PLEKHA6: variants seen among roughly 807,000 people sequenced by gnomAD.
PLEKHA6 encodes the protein pleckstrin homology domain-containing family A member 6.
Under a neutral mutation model 116.7 loss-of-function variants are expected in PLEKHA6, and 60 were observed. The observed-to-expected ratio is 0.51, with a 90% CI of 0.42 to 0.64. The LOEUF (loss-of-function observed/expected upper bound fraction) is 0.64, where lower values mean the gene tolerates loss of function less well. Ranked by LOEUF, PLEKHA6 falls within the 30% of genes least tolerant of loss-of-function variation. The pLI is 0.00. For synonymous variants in PLEKHA6, 489 were observed against 556.1 expected, an observed-to-expected ratio of 0.88 and a Z score of 1.70; for missense variants, 1,338 against 1,422.7, an observed-to-expected ratio of 0.94 and a Z score of 0.96.
chr1:204,263,498 C>T (rs888234092), intron 6 of PLEKHA6, among the ~76,000 whole-genome samples: 1 of 152,090 alleles, frequency 6.6e-6, no homozygotes, highest in Non-Finnish European at 1.5e-5. Flanking sequence ...CAATCAGAAC[C>T]CTTTGTGGGC....
intron 1 of PLEKHA6, among the ~76,000 whole-genome samples, chr1:204,300,055 T>C (rs1216636813): frequency 6.6e-6 from 1 of 152,162 alleles, no homozygotes; most frequent in Non-Finnish European, 1.5e-5. Context: ...ACTTAGAAGA[T>C]AGAAGAGGGA....
intron 5 of PLEKHA6, among the ~76,000 whole-genome samples, chr1:204,266,706 C>T (rs992106571): frequency 2.0e-5 from 3 of 152,314 alleles, no homozygotes; most frequent in Non-Finnish European, 2.9e-5. Flanking sequence ...ATTGCTCCCA[C>T]GAGGACTGGA....
intron 2 of PLEKHA6, chr1:204,368,439 A>C (rs921743400): frequency 6.6e-6 from 1 of 152,142 alleles, no homozygotes; most frequent in South Asian, 2.1e-4. Context: ...GCAATTTTTA[A>C]AATCTTTAAT....
intron 1 of PLEKHA6, among the ~76,000 whole-genome samples, chr1:204,333,737 T>C (rs765043820): frequency 1.1e-4 from 17 of 152,182 alleles, no homozygotes; most frequent in Non-Finnish European, 1.9e-4. Flanking sequence ...GCCCAGGTCC[T>C]GCTCTCTGGG....
intron 2 of PLEKHA6, chr1:204,368,805 T>C (rs1558204873): frequency 1.3e-5 from 2 of 152,256 alleles, no homozygotes; most frequent in African/African-American, 2.4e-5. Flanking sequence ...GGCTGACATA[T>C]TGGAAAACAG....
rs192094845 is a variant in PLEKHA6, at chr1:204,315,520, T to C, written c.-94-40711A>G. Among the ~76,000 whole-genome samples, 454 of 152,182 alleles carry C rather than the reference T, an allele frequency of 3.0e-3. 4 individuals are homozygous for C. The Middle Eastern group carries it at 0.031, about 10-fold the overall frequency. ...TCCAAATCTCCCAGGGGAAGGCAGG[T>C]GGACACCGTGTTAGGGCTGAGCTCA... On this transcript the variant is annotated intron_variant, in intron 1 of 22. Coordinates refer to ENST00000272203, the MANE Select transcript of PLEKHA6 (RefSeq NM_014935.5).
intron 1 of PLEKHA6, among the ~76,000 whole-genome samples, chr1:204,312,841 A>ATTTTCTTTTCTTTTC (rs138741377): frequency 0.032 from 4,433 of 140,528 alleles, 205 homozygotes; most frequent in East Asian, 0.15. Flanking sequence ...CCCTTAGCCC[A>ATTTTCTTTTCTTTTC]TTTTCTTTTC....
chr1:204,305,800 A>G (rs993851993), intron 1 of PLEKHA6, among the ~76,000 whole-genome samples: 2 of 51,706 alleles, frequency 3.9e-5, no homozygotes, highest in Non-Finnish European at 9.9e-5. Flanking sequence ...AGACTGTACA[A>G]CCTATTAATT....
intron 1 of PLEKHA6, among the ~76,000 whole-genome samples, chr1:204,348,714 A>ACCCCCCCCCCCCCCTCC (rs3038282): frequency 7.3e-6 from 1 of 136,642 alleles, no homozygotes; most frequent in African/African-American, 2.9e-5. Context: ...CAGGTGCCAA[A>ACCCCCCCCCCCCCCTCC]CCCCCCCCCC....
chr1:204,325,937 A>G (rs988654550), intron 1 of PLEKHA6: 4 of 984,244 alleles, frequency 4.1e-6, no homozygotes, highest in Non-Finnish European at 3.6e-6. Flanking sequence ...CCATTAACAT[A>G]TAGACTGGGC....
At position 204,277,286 on chromosome 1, in the gene PLEKHA6, C is replaced by T. The variant is rs910563681; in HGVS notation, c.-94-2477G>A. Among the ~76,000 whole-genome samples, 22 of 152,054 alleles carry T rather than the reference C, an allele frequency of 1.4e-4. No homozygotes were observed. Among genetic ancestry groups the T allele is most frequent in the Admixed American group, 1.2e-3 (19 of 15,256 alleles). On this transcript the variant is annotated intron_variant, in intron 1 of 22. Transcript: ENST00000272203. This position sits in a 1 kb window ranked among gnomAD's most constrained non-coding sequence, Gnocchi z 4.1. ...AGGCCTGTGGCTTCCTGGTATTCGG[C>T]CAGAATGCTACTGGTCAGAGGACTG...
At chr1:204,357,576 G>A (rs1004891074) in intron 1 of PLEKHA6, among the ~76,000 whole-genome samples, 3 of 152,248 alleles carry the variant, frequency 2.0e-5, no homozygotes, top group Admixed American at 2.0e-4. Flanking sequence ...AGAGCTCAGG[G>A]GAGTGCGAAT....
chr1:204,331,973 G>A (rs1672470397), intron 1 of PLEKHA6, among the ~76,000 whole-genome samples: 4 of 152,024 alleles, frequency 2.6e-5, no homozygotes, highest in African/African-American at 2.4e-5. Flanking sequence ...TGCAGGAGCC[G>A]GGGTGCAAAC....
chr1:204,246,265 T>C (rs1389613664), intron 13 of PLEKHA6, among the ~76,000 whole-genome samples: 3 of 152,176 alleles, frequency 2.0e-5, no homozygotes, highest in Non-Finnish European at 4.4e-5. Context: ...TGCTAACTCA[T>C]TTCGGCTGCA....
chr1:204,283,086 T>G (rs1209123592), intron 1 of PLEKHA6, among the ~76,000 whole-genome samples: 3 of 152,222 alleles, frequency 2.0e-5, no homozygotes, highest in Non-Finnish European at 2.9e-5. Context: ...GCAGCCCAGC[T>G]GTCCGCCGCC....
At chr1:204,335,466 C>G (rs951459052) in intron 1 of PLEKHA6, among the ~76,000 whole-genome samples, 1 of 152,104 alleles carries the variant, frequency 6.6e-6, no homozygotes, top group Admixed American at 6.5e-5. Context: ...GGCTGCACTT[C>G]AGGGCTAGAG....
At chr1:204,304,454 G>A (rs1671102446) in intron 1 of PLEKHA6, among the ~76,000 whole-genome samples, 1 of 152,098 alleles carries the variant, frequency 6.6e-6, no homozygotes, top group Admixed American at 6.5e-5. Context: ...CCCAAAAGTG[G>A]CCTTATCAGG....
At chr1:204,266,824 T>C (rs937314639) in intron 5 of PLEKHA6, among the ~76,000 whole-genome samples, 1 of 152,154 alleles carries the variant, frequency 6.6e-6, no homozygotes, top group African/African-American at 2.4e-5. Context: ...TTTCCTCCCC[T>C]GCATCCACAT....
rs1350065443 is a variant in PLEKHA6 at position 204,257,460 on chromosome 1, G to A, written c.1417C>T (p.Pro473Ser). Residue 473 changes from proline to serine, a missense_variant, in exon 9 of 23, where the codon CCT becomes TCT. Physicochemically the swap from Pro to Ser is moderately conservative, Grantham distance 74. Coordinates refer to ENST00000272203, the MANE Select transcript of PLEKHA6 (RefSeq NM_014935.5). This position sits in a 1 kb window ranked among gnomAD's most constrained non-coding sequence, Gnocchi z 6.5. ...AAACGGGCACTGGGTGAGCGGACAG[G>A]GGAGTAAATGCGGGCACGGCTGTAG... ...GSYSRARIYS[P>S]VRSPSARFER... 6.4e-7 allele frequency: 1 copy of A among 1,572,000 alleles called. No individual in the cohort carries two copies. Among genetic ancestry groups the A allele is most frequent in the Non-Finnish European group, 8.6e-7 (1 of 1,157,384 alleles).
Sources: gnomAD v4.1 joint callset for allele counts (sites outside exome capture counted in the v4.1 genomes callset) on GRCh38, gnomAD v4.1.1 for gene constraint, Gnocchi (gnomAD v3.1) non-coding constraint, MANE v1.5 for transcripts, NCBI Gene and HGNC (gene_info 2026-07-23, HGNC 2026-07-21) for gene names.